USP48: variants seen among roughly 807,000 people sequenced by gnomAD.
USP48 encodes the protein ubiquitin carboxyl-terminal hydrolase 48.
Under a neutral mutation model 150.7 loss-of-function variants are expected in USP48, and 43 were observed. That is an observed-to-expected ratio of 0.29 (90% CI 0.22 to 0.37). The LOEUF is 0.37. Ranked by LOEUF, USP48 falls within the 10% of genes least tolerant of loss-of-function variation. The pLI, the probability that USP48 is intolerant of heterozygous loss-of-function variation, is 1.00. For synonymous variants in USP48, 396 were observed against 425.9 expected (o/e 0.93, Z 0.86); for missense variants, 813 against 1,249.6 (o/e 0.65, Z 5.27).
intron 2 of USP48, 22 bp downstream of exon 2, chr1:21,757,641 C>T (rs113756872): frequency 2.1e-5 from 34 of 1,599,990 alleles, no homozygotes; most frequent in African/African-American, 9.5e-5. Flanking sequence ...ATATAGCAAT[C>T]GCTTAAAAAA....
intron 9 of USP48, among the ~76,000 whole-genome samples, chr1:21,734,878 G>A (rs1402904635): frequency 6.6e-6 from 1 of 152,154 alleles, no homozygotes; most frequent in Non-Finnish European, 1.5e-5. Context: ...CATTCCTTTG[G>A]AAAATAAATG....
In USP48 at chr1:21,744,443, C is replaced by CAAAA. The variant is rs58485760; in HGVS notation, c.991+2620_991+2623dup. On this transcript the variant is annotated intron_variant, in intron 8 of 26. Transcript: ENST00000308271. ...GCCTGGGCGACGCAAAATTCTGTCT[C>CAAAA]AAAAAAAAAAACAGAAAAAGAAAAA... Among the ~76,000 whole-genome samples the CAAAA allele has an allele frequency of 1.6e-3, 187 of 118,186 alleles. 1 individual carries two copies. The highest frequency in any genetic ancestry group is 5.0e-3 in the African/African-American group (163 of 32,710). The allele number at this position is 118,186 out of a possible 152,430, so 77.5% of individuals were successfully genotyped here.
chr1:21,760,984 G>A (rs1328019699), intron 1 of USP48, among the ~76,000 whole-genome samples: 1 of 151,164 alleles, frequency 6.6e-6, no homozygotes, highest in Non-Finnish European at 1.5e-5. Flanking sequence ...ATCCCAGCTA[G>A]TTGGGAGGCT....
At chr1:21,712,801 G>A (rs1442837070) in intron 15 of USP48, among the ~76,000 whole-genome samples, 1 of 151,646 alleles carries the variant, frequency 6.6e-6, no homozygotes, top group African/African-American at 2.4e-5. Context: ...GCTAATTTTT[G>A]TATTTTTGTA....
intron 8 of USP48, among the ~76,000 whole-genome samples, chr1:21,738,198 C>T (rs1250967055): frequency 6.6e-6 from 1 of 151,692 alleles, no homozygotes; most frequent in East Asian, 1.9e-4. Context: ...GCTGGGGTTA[C>T]AGGCACACAC....
chr1:21,732,748 C>G lies in USP48; in HGVS notation c.1172-2916G>C, dbSNP rs774821555. ...AAAATAGAATTGTTAAAAATGCCTA[C>G]TATAAAACAAGACCTGTTCAGTTAT... On this transcript the variant is annotated intron_variant, in intron 9 of 26. Transcript: ENST00000308271. 2.4e-4 allele frequency: 72 copies of G among 305,600 alleles called. 1 individual carries two copies. The highest frequency in any genetic ancestry group is 1.3e-3 in the South Asian group (47 of 35,880). The allele number at this position is 305,600 out of a possible 1,614,324, so 18.9% of individuals were successfully genotyped here. A position where few individuals can be genotyped will look rare whatever the true frequency, so the allele number is the denominator to read the frequency against.
At position 21,689,333 on chromosome 1, in the gene USP48, G is replaced by A. The variant is rs577755235; in HGVS notation, c.3009+641C>T. Among the ~76,000 whole-genome samples the A allele has an allele frequency of 8.8e-5, 13 of 148,380 alleles. No homozygotes were observed. The East Asian group carries it at 2.4e-3, about 27-fold the overall frequency. The stretch of plus-strand genomic sequence containing the variant: ...AAAAGGAAAAAAAAAAAAGCGGGGG[G>A]CGGGGGGTTGGAGGGCATTGGGGAG... On this transcript the variant is annotated intron_variant, in intron 24 of 26. Coordinates refer to ENST00000308271, the MANE Select transcript of USP48 (RefSeq NM_032236.8).
intron 1 of USP48, among the ~76,000 whole-genome samples, chr1:21,774,842 T>G (rs1438001749): frequency 6.6e-6 from 1 of 151,312 alleles, no homozygotes; most frequent in African/African-American, 2.4e-5. Flanking sequence ...ACTACAAAAA[T>G]TAGCCAAGCA....
At chr1:21,753,371 G>A (rs191423844) in intron 3 of USP48, among the ~76,000 whole-genome samples, 1 of 151,928 alleles carries the variant, frequency 6.6e-6, no homozygotes. Context: ...GGCCAATATG[G>A]AGAAACCCCG....
chr1:21,781,745 G>C (rs950908682), intron 1 of USP48: 1 of 152,250 alleles, frequency 6.6e-6, no homozygotes, highest in African/African-American at 2.4e-5. Flanking sequence ...AAAACCACCA[G>C]AACTATTAGT....
chr1:21,695,136 T>C lies in USP48; in HGVS notation c.2813A>G (p.His938Arg). The change falls in exon 23 of 27, where the codon CAT becomes CGT. Residue 938 changes from histidine to arginine, a missense_variant. By Grantham distance (29) the His-to-Arg change is conservative (BLOSUM62 0). Coordinates refer to ENST00000308271, the MANE Select transcript of USP48 (RefSeq NM_032236.8). Reference sequence around the variant, plus strand: ...TGCTTTCTCACCACGAACTTTTCTATGTCGCATACTTCGGCGAATAACTTG... The same window carrying C: ...TGCTTTCTCACCACGAACTTTTCTACGTCGCATACTTCGGCGAATAACTTG... ...QKQVIRRSMR[H>R]RKVRGEKALL... is the part of the protein sequence containing the mutation. 1 of 1,613,840 alleles carries C rather than the reference T, an allele frequency of 6.2e-7. No individual in the cohort carries two copies. The highest frequency in any genetic ancestry group is 8.5e-7 in the Non-Finnish European group (1 of 1,179,926).
intron 22 of USP48, among the ~76,000 whole-genome samples, chr1:21,696,771 G>A (rs2097633674): frequency 6.6e-6 from 1 of 152,018 alleles, no homozygotes; most frequent in South Asian, 2.1e-4. Context: ...GAAAAAAATA[G>A]ATGAGGACCA....
intron 15 of USP48, among the ~76,000 whole-genome samples, chr1:21,711,742 CCA>C (rs1197378391): frequency 2.0e-5 from 3 of 152,200 alleles, no homozygotes; most frequent in Non-Finnish European, 4.4e-5. Flanking sequence ...CACCTGGCTT[CCA>C]CAGAGTGCCT....
At chr1:21,767,852 T>C (rs1433617355) in intron 1 of USP48, among the ~76,000 whole-genome samples, 1 of 152,214 alleles carries the variant, frequency 6.6e-6, no homozygotes, top group East Asian at 1.9e-4. Flanking sequence ...GTGATTTTCA[T>C]GTAATGCCTC....
chr1:21,765,901 C>CAAAAA (rs199539331), intron 1 of USP48, among the ~76,000 whole-genome samples: 4 of 112,154 alleles, frequency 3.6e-5, no homozygotes, highest in African/African-American at 1.2e-4. Flanking sequence ...ACTCCATCTC[C>CAAAAA]AAAAAAAAAA....
chr1:21,690,225 GT>G, intron 23 of USP48, 126 bp from the exon 24 acceptor site: 1 of 1,157,282 alleles, frequency 8.6e-7, no homozygotes, highest in Non-Finnish European at 1.2e-6. Context: ...AACCACTATT[GT>G]TTACAGTCAG....
intron 23 of USP48, 118 bp downstream of exon 23, chr1:21,694,948 C>CT (rs1208456806): frequency 8.5e-7 from 1 of 1,176,378 alleles, no homozygotes; most frequent in East Asian, 2.8e-5. Context: ...ATTTTGAAAA[C>CT]TTTAAGTCTT....
intron 8 of USP48, among the ~76,000 whole-genome samples, chr1:21,737,059 G>C (rs898801830): frequency 6.6e-6 from 1 of 152,204 alleles, no homozygotes; most frequent in Non-Finnish European, 1.5e-5. Flanking sequence ...GTTTATAGAA[G>C]AGAAGATAAA....
intron 1 of USP48, among the ~76,000 whole-genome samples, chr1:21,774,483 T>C (rs1379731100): frequency 1.3e-5 from 2 of 151,028 alleles, no homozygotes; most frequent in African/African-American, 4.9e-5. Flanking sequence ...GGTCAGGAGA[T>C]CGAGACCATC....
Sources: gnomAD v4.1 joint callset for allele counts (sites outside exome capture counted in the v4.1 genomes callset) on GRCh38, gnomAD v4.1.1 for gene constraint, MANE v1.5 for transcripts, NCBI Gene and HGNC (gene_info 2026-07-23, HGNC 2026-07-21) for gene names.